ELOVL7: variants seen among roughly 807,000 people sequenced by gnomAD.
The protein encoded by ELOVL7 is very long chain fatty acid elongase 7.
In ELOVL7, 27 loss-of-function variants were observed where a neutral mutation model predicts 35.7. That is an observed-to-expected ratio of 0.76 (90% CI 0.56 to 1.04). The LOEUF is 1.04. Among genes scored for constraint, ELOVL7 ranks in the 50% least tolerant of loss-of-function variants. The pLI is 0.00. For synonymous variants in ELOVL7, 113 were observed against 114.6 expected (o/e 0.99, Z 0.09); for missense variants, 327 against 340.8 (o/e 0.96, Z 0.32).
intron 5 of ELOVL7, among the ~76,000 whole-genome samples, 183 bp from the exon 6 acceptor site, chr5:60,766,813 C>CT (rs1211528562): frequency 6.6e-6 from 1 of 152,108 alleles, no homozygotes; most frequent in African/African-American, 2.4e-5. Context: ...ATCCATAGAA[C>CT]TTTTTTCATC....
chr5:60,764,411 G>C (rs1742110688), intron 6 of ELOVL7, 79 bp from the exon 7 acceptor site: 1 of 1,081,578 alleles, frequency 9.2e-7, no homozygotes, highest in Non-Finnish European at 1.4e-6. Context: ...TATTGGCAAA[G>C]TGCAAAGTAT....
At chr5:60,829,351 GATGTT>G (rs954415814) in intron 1 of ELOVL7, among the ~76,000 whole-genome samples, 1 of 152,006 alleles carries the variant, frequency 6.6e-6, no homozygotes, top group African/African-American at 2.4e-5. Context: ...TGTTTTCTTT[GATGTT>G]ATAAGTTTTT....
intron 3 of ELOVL7, among the ~76,000 whole-genome samples, chr5:60,782,538 T>C (rs916055840): frequency 3.3e-5 from 5 of 152,234 alleles, no homozygotes; most frequent in Admixed American, 1.3e-4. Context: ...GAAAATGTGA[T>C]ACCTGTCAAT....
intron 3 of ELOVL7, among the ~76,000 whole-genome samples, chr5:60,782,337 T>C (rs540687625): frequency 1.3e-5 from 2 of 152,282 alleles, no homozygotes; most frequent in Non-Finnish European, 2.9e-5. Flanking sequence ...GAAAACTACA[T>C]GAAGGCTCTA....
chr5:60,766,336 C>A (rs1041911694), intron 6 of ELOVL7, among the ~76,000 whole-genome samples: 1 of 152,160 alleles, frequency 6.6e-6, no homozygotes, highest in Non-Finnish European at 1.5e-5. Flanking sequence ...AGCTATGTAA[C>A]AGAAACTTTA....
rs867477099 is a variant in ELOVL7 at position 60,764,517 on chromosome 5, G to C, written c.394-185C>G. On this transcript the variant is annotated intron_variant, in intron 6 of 8. Transcript: ENST00000508821. The stretch of plus-strand genomic sequence containing the variant: ...GCAGCTCAAATCTAATTATTATGAA[G>C]TAACTTAGGTACGACGCCTATACAT... Among the ~76,000 whole-genome samples the C allele has an allele frequency of 7.9e-5, 12 of 152,246 alleles. No homozygotes were observed. The South Asian group carries it at 1.0e-3, about 13-fold the overall frequency.
chr5:60,798,197 G>C (rs1744381133), intron 2 of ELOVL7, among the ~76,000 whole-genome samples: 1 of 152,130 alleles, frequency 6.6e-6, no homozygotes. Flanking sequence ...CCTCAACTTT[G>C]GCAAATAAAG....
intron 6 of ELOVL7, among the ~76,000 whole-genome samples, chr5:60,766,296 C>T (rs1742230724): frequency 6.6e-6 from 1 of 152,164 alleles, no homozygotes; most frequent in Admixed American, 6.5e-5. Flanking sequence ...GTATATGACA[C>T]AGTCACCATG....
At chr5:60,809,418 G>A (rs1189816710) in intron 1 of ELOVL7, among the ~76,000 whole-genome samples, 1 of 152,184 alleles carries the variant, frequency 6.6e-6, no homozygotes, top group Non-Finnish European at 1.5e-5. Flanking sequence ...TTATCCCAGA[G>A]GAAGGTTTGA....
chr5:60,793,067 T>A (rs192001964), intron 2 of ELOVL7, among the ~76,000 whole-genome samples: 7 of 152,268 alleles, frequency 4.6e-5, no homozygotes, highest in Non-Finnish European at 1.0e-4. Flanking sequence ...TGAGCTATTA[T>A]GAGAAGACTG....
intron 1 of ELOVL7, among the ~76,000 whole-genome samples, chr5:60,827,522 C>CAA (rs1400566137): frequency 2.6e-5 from 4 of 152,156 alleles, no homozygotes; most frequent in African/African-American, 9.7e-5. Flanking sequence ...ACAAGATACT[C>CAA]AAATACCATG....
chr5:60,839,708 C>A (rs1747045161), intron 1 of ELOVL7, among the ~76,000 whole-genome samples: 1 of 152,198 alleles, frequency 6.6e-6, no homozygotes, highest in South Asian at 2.1e-4. Context: ...TGGTAAATAG[C>A]AACCTTCCAG....
intron 7 of ELOVL7, among the ~76,000 whole-genome samples, chr5:60,757,887 G>A (rs1305605030): frequency 6.6e-6 from 1 of 151,950 alleles, no homozygotes; most frequent in East Asian, 1.9e-4. Flanking sequence ...AGCTTAAGGT[G>A]GTCTTATGAT....
intron 1 of ELOVL7, among the ~76,000 whole-genome samples, chr5:60,827,856 C>T (rs941040713): frequency 6.6e-6 from 1 of 152,162 alleles, no homozygotes; most frequent in Non-Finnish European, 1.5e-5. Context: ...GTGGTACAGG[C>T]CCCAACCTTG....
At chr5:60,775,768 C>T (rs1375165462) in intron 3 of ELOVL7, among the ~76,000 whole-genome samples, 2 of 152,140 alleles carry the variant, frequency 1.3e-5, no homozygotes, top group Admixed American at 6.5e-5. Context: ...GGAAAACTGG[C>T]TAATCATATG....
At chr5:60,787,108 G>C (rs531329108) in intron 3 of ELOVL7, among the ~76,000 whole-genome samples, 11 of 152,236 alleles carry the variant, frequency 7.2e-5, no homozygotes, top group African/African-American at 2.4e-4. Flanking sequence ...CCCTTCACTG[G>C]ATATCTAGGC....
Position 60,834,730 on chromosome 5 carries a change from C to T in ELOVL7, c.-86+9430G>A, listed in dbSNP as rs370772924. ...GTTCTGACTACTTACTACACTATAG[C>T]GTAAACTATTACAGTCAGACTAACA... On this transcript the variant is annotated intron_variant, in intron 1 of 8. Coordinates refer to ENST00000508821, the MANE Select transcript of ELOVL7 (RefSeq NM_024930.3). Among the ~76,000 whole-genome samples, 26 of 152,172 alleles carry T rather than the reference C, an allele frequency of 1.7e-4. No homozygotes were observed. The East Asian group carries it at 4.6e-3, about 27-fold the overall frequency.
At chr5:60,838,121 A>T (rs1007609956) in intron 1 of ELOVL7, among the ~76,000 whole-genome samples, 1 of 152,186 alleles carries the variant, frequency 6.6e-6, no homozygotes, top group East Asian at 1.9e-4. Flanking sequence ...CCCCACTGAC[A>T]TTATGATAAA....
intron 3 of ELOVL7, among the ~76,000 whole-genome samples, chr5:60,777,627 C>A (rs191271589): frequency 1.3e-5 from 2 of 152,088 alleles, no homozygotes; most frequent in Non-Finnish European, 1.5e-5. Flanking sequence ...AAATGATGAA[C>A]AATAAAAGCA....
Sources: allele counts gnomAD v4.1 joint callset (sites outside exome capture counted in the v4.1 genomes callset), GRCh38; gene constraint gnomAD v4.1.1; transcripts MANE v1.5; gene names NCBI Gene and HGNC (gene_info 2026-07-23, HGNC 2026-07-21).